Variants in CES1 observed in about 807,000 individuals in gnomAD.
CES1 encodes the protein carboxylesterase 1, also known as liver carboxylesterase 1.
In CES1, 50 loss-of-function variants were observed where a neutral mutation model predicts 53.0. The ratio of observed to expected loss-of-function variants is 0.94; its 90% CI spans 0.75 to 1.19. The LOEUF (loss-of-function observed/expected upper bound fraction) is 1.19. Ranked by LOEUF, CES1 falls within the 50% of genes most tolerant of loss-of-function variation. The pLI, the probability that CES1 is intolerant of heterozygous loss-of-function variation, is 0.00. For missense variants in CES1, 534 were observed against 538.0 expected, an observed-to-expected ratio of 0.99 and a Z score of 0.07; for synonymous variants, 202 against 210.1, an observed-to-expected ratio of 0.96 and a Z score of 0.33.
Position 55,828,951 on chromosome 16 carries a change from C to G in CES1, c.76G>C (p.Val26Leu), listed in dbSNP as rs760641087. Residue 26 changes from valine to leucine, a missense_variant, in exon 2 of 14, where the codon GTG (valine) becomes CTG (leucine). Around this residue, in one of 5 missense-constraint regions of CES1, gnomAD observed 164 missense variants for 162.4 expected, o/e 1.01. Coordinates refer to ENST00000360526, the MANE Select transcript of CES1 (RefSeq NM_001025195.2). Reference sequence around the variant, plus strand: ...ACTTTGCCATGCACGGTGTCCACCACAGGTGGCGAGGACGGATGCCCTGCT... The same window carrying G: ...ACTTTGCCATGCACGGTGTCCACCAGAGGTGGCGAGGACGGATGCCCTGCT... ...AWAGHPSSPP[V>L]VDTVHGKVLG... 5 of 1,612,474 alleles carry G rather than the reference C, an allele frequency of 3.1e-6. No individual in the cohort carries two copies. Among genetic ancestry groups the G allele is most frequent in the Non-Finnish European group, 4.2e-6 (5 of 1,179,290 alleles).
At chr16:55,814,395 G>A (rs745951233) in intron 8 of CES1, among the ~76,000 whole-genome samples, 12 of 152,302 alleles carry the variant, frequency 7.9e-5, no homozygotes, top group South Asian at 2.1e-4. Context: ...GATAGAGCGT[G>A]GATGTTGCTA....
At chr16:55,826,342 C>A in intron 2 of CES1, 47 bp from the exon 3 acceptor site, 1 of 1,612,340 alleles carries the variant, frequency 6.2e-7, no homozygotes. Flanking sequence ...CAGATCTAAG[C>A]GAGGTGTTTT....
intron 2 of CES1, among the ~76,000 whole-genome samples, chr16:55,827,121 C>T (rs1399704252): frequency 6.6e-6 from 1 of 152,006 alleles, no homozygotes; most frequent in African/African-American, 2.4e-5. Context: ...TACCAAAAGG[C>T]AGTCATCACC....
In CES1 at chr16:55,819,635, A is replaced by G. The variant is rs1437510276; in HGVS notation, c.806T>C (p.Ile269Thr). 1 of 1,612,498 alleles carries G rather than the reference A, an allele frequency of 6.2e-7. No individual in the cohort carries two copies. The highest frequency in any genetic ancestry group is 8.5e-7 in the Non-Finnish European group (1 of 1,178,694). ...GGTTTTGCACCCAGCAGTGATAGCA[A>G]TTTGCTGCAAAGATCACAGGCAACA... ...KGDVKPLAEQ[I>T]AITAGCKTTT... Residue 269 changes from isoleucine (I) to threonine (T), a missense_variant, in exon 7 of 14, where the codon ATT (isoleucine) becomes ACT (threonine). Coordinates refer to ENST00000360526, the MANE Select transcript of CES1 (RefSeq NM_001025195.2).
At chr16:55,829,944 C>T (rs542361971) in intron 1 of CES1, among the ~76,000 whole-genome samples, 1 of 152,360 alleles carries the variant, frequency 6.6e-6, no homozygotes, top group East Asian at 1.9e-4. Flanking sequence ...GATCTGCAGC[C>T]TGTGGCCTTT....
intron 8 of CES1, among the ~76,000 whole-genome samples, chr16:55,813,632 C>T (rs1259458774): frequency 2.0e-5 from 3 of 152,138 alleles, no homozygotes; most frequent in South Asian, 2.1e-4. Context: ...TCTGAATGTG[C>T]TATTATGTGG....
intron 9 of CES1, chr16:55,812,334 A>G (rs1156329268): frequency 5.9e-6 from 1 of 168,486 alleles, no homozygotes; most frequent in East Asian, 1.5e-4. Flanking sequence ...TTATTTTGTT[A>G]CCAGGTATTG....
At chr16:55,809,107 A>AAAAAAAAAAAAAAAAC in intron 11 of CES1, among the ~76,000 whole-genome samples, 1 of 149,826 alleles carries the variant, frequency 6.7e-6, no homozygotes, top group African/African-American at 2.4e-5. Flanking sequence ...AAAAAAAAAA[A>AAAAAAAAAAAAAAAAC]AAAAGCCCTG....
In CES1 at chr16:55,811,015, A is replaced by C. The variant is rs2302722; in HGVS notation, c.1087-5T>G. 105,346 of 832,870 alleles carry C rather than the reference A, an allele frequency of 0.13. 1,222 individuals are homozygous for C. The highest frequency in any genetic ancestry group is 0.2 in the East Asian group (7,356 of 36,996). 51.6% of individuals were successfully genotyped at this position (832,870 alleles called of 1,614,324 possible). On this transcript the variant is annotated splice_region_variant and splice_polypyrimidine_tract_variant and intron_variant, in intron 9 of 13. Transcript: ENST00000360526. ...GAGTGGATAGCTCATCAACTGCTAAAAAAAAAAAAAAGTTCAGCATTTATG... is the reference window on the plus strand; with the variant it reads ...GAGTGGATAGCTCATCAACTGCTAACAAAAAAAAAAAGTTCAGCATTTATG...
At chr16:55,817,412 T>C (rs1330186225) in intron 7 of CES1, among the ~76,000 whole-genome samples, 3 of 152,224 alleles carry the variant, frequency 2.0e-5, no homozygotes, top group Admixed American at 1.3e-4. Flanking sequence ...GACGATGCTA[T>C]TGCAACACAT....
At chr16:55,809,999 AG>A (rs2031617238) in intron 11 of CES1, among the ~76,000 whole-genome samples, 1 of 152,180 alleles carries the variant, frequency 6.6e-6, no homozygotes, top group African/African-American at 2.4e-5. Context: ...TCCAGGCCTG[AG>A]GCCTTTGTCT....
rs369300055 is a variant in CES1 at position 55,823,574 on chromosome 16, C to A, written c.515G>T (p.Arg172Leu). Residue 172 changes from arginine (R) to leucine (L), a missense_variant, in exon 4 of 14, where the codon CGC (arginine) becomes CTC (leucine). By Grantham distance (102) the Arg-to-Leu change is moderately radical. Around this residue, in one of 5 missense-constraint regions of CES1, gnomAD observed 85 missense variants for 81.9 expected, o/e 1.04. Coordinates refer to ENST00000360526, the MANE Select transcript of CES1 (RefSeq NM_001025195.2). ...CCTGAAGAATCCCCAGATGCCCAGG[C>A]GATATTGAATGGTCACCACCACCAC... ...ENVVVVTIQY[R>L]LGIWGFFSTG... 14 of 1,613,760 alleles carry A rather than the reference C, an allele frequency of 8.7e-6. No individual in the cohort carries two copies. Among genetic ancestry groups the A allele is most frequent in the South Asian group, 6.6e-5 (6 of 91,050 alleles).
At chr16:55,832,257 G>A (rs1404893593) in intron 1 of CES1, among the ~76,000 whole-genome samples, 2 of 152,126 alleles carry the variant, frequency 1.3e-5, no homozygotes, top group Non-Finnish European at 2.9e-5. Flanking sequence ...CCCCTCCCCA[G>A]GCTCTGCTGC....
chr16:55,826,787 G>A (rs1479776913), intron 2 of CES1, among the ~76,000 whole-genome samples: 2 of 152,180 alleles, frequency 1.3e-5, no homozygotes, highest in Non-Finnish European at 2.9e-5. Context: ...GACATGCCAA[G>A]ATTCTACCAC....
chr16:55,827,133 C>T (rs1426103630), intron 2 of CES1, among the ~76,000 whole-genome samples: 1 of 152,026 alleles, frequency 6.6e-6, no homozygotes, highest in South Asian at 2.1e-4. Flanking sequence ...GTCATCACCG[C>T]CCCCACTAGG....
At chr16:55,820,609 C>T (rs1360446888) in intron 5 of CES1, 130 bp from the exon 6 acceptor site, 1 of 1,438,532 alleles carries the variant, frequency 7.0e-7, no homozygotes, top group African/African-American at 1.4e-5. Flanking sequence ...GTGGGCTGAC[C>T]CTCTGCCCAC....
chr16:55,810,637 C>T lies in CES1; in HGVS notation c.1198G>A (p.Ala400Thr), dbSNP rs778658482. ...GTTCCTCCTAAGTATTTCTCAGTGGCTTCTGGAATCAGTTCCTTAGCAATG... is the reference window on the plus strand; with the variant it reads ...GTTCCTCCTAAGTATTTCTCAGTGGTTTCTGGAATCAGTTCCTTAGCAATG... ...VCIAKELIPE[A>T]TEKYLGGTDD... Residue 400 changes from alanine (A) to threonine (T), a missense_variant, in exon 11 of 14, where the codon GCC becomes ACC. This residue lies in a region of CES1 where 269 missense variants were observed against 206.6 expected (regional missense o/e 1.30). Coordinates refer to ENST00000360526, the MANE Select transcript of CES1 (RefSeq NM_001025195.2). 1 of 1,614,136 alleles carries T rather than the reference C, an allele frequency of 6.2e-7. No individual in the cohort carries two copies. The highest frequency in any genetic ancestry group is 2.2e-5 in the East Asian group (1 of 44,888).
intron 2 of CES1, among the ~76,000 whole-genome samples, chr16:55,827,277 C>CAATAAT (rs57486989): frequency 0.03 from 4,317 of 143,648 alleles, 78 homozygotes; most frequent in South Asian, 0.12. Flanking sequence ...AGAGGAATAA[C>CAATAAT]AATAATAATA....
Position 55,812,780 on chromosome 16 carries a change from T to A in CES1, c.1086+123A>T. The A allele has an allele frequency of 2.1e-6, 3 of 1,410,498 alleles. No homozygotes were observed. In the East Asian group the frequency reaches 6.8e-5, roughly 32 times the overall value. 87.4% of individuals were successfully genotyped at this position (1,410,498 alleles called of 1,614,324 possible). On this transcript the variant is annotated intron_variant, in intron 9 of 13. Transcript: ENST00000360526. ...AGATTTCCGTGGAAATGTTAACTCC[T>A]GCTGAAGGGAACAGCTGCCCAGGAC...
Sources: allele counts gnomAD v4.1 joint callset (sites outside exome capture counted in the v4.1 genomes callset), GRCh38; gene constraint gnomAD v4.1.1; regional missense constraint gnomAD v4.1.1; transcripts MANE v1.5; gene names NCBI Gene and HGNC (gene_info 2026-07-23, HGNC 2026-07-21).